MRRF: variants seen among roughly 807,000 people sequenced by gnomAD.
MRRF encodes the protein mitochondrial ribosome recycling factor.
MRRF carries 18 observed loss-of-function variants against 25.1 expected under a neutral mutation model. That is an observed-to-expected ratio of 0.72 (90% CI 0.50 to 1.06). The LOEUF (loss-of-function observed/expected upper bound fraction) is 1.06. MRRF is among the 50% of genes least tolerant of loss of function. The probability of loss-of-function intolerance (pLI) is 0.00; values close to 1 mark genes in which losing one functional copy is unlikely to be tolerated. For synonymous variants in MRRF, 113 were observed against 112.1 expected (o/e 1.01, Z -0.05); for missense variants, 323 against 319.3 (o/e 1.01, Z -0.09).
chr9:122,279,656 C>T (rs1426788807), intron 2 of MRRF, among the ~76,000 whole-genome samples: 1 of 152,162 alleles, frequency 6.6e-6, no homozygotes, highest in Non-Finnish European at 1.5e-5. Context: ...TATGAAAAAT[C>T]ACTACGATGA....
chr9:122,285,826 G>C (rs988411517), intron 4 of MRRF: 13 of 1,282,292 alleles, frequency 1.0e-5, no homozygotes, highest in Non-Finnish European at 1.3e-5. Flanking sequence ...AATGTGGCCT[G>C]AGGGCCACCA....
chr9:122,270,876 A>G lies in MRRF; in HGVS notation c.-16A>G, dbSNP rs751943215. 93 of 1,613,518 alleles carry G rather than the reference A, an allele frequency of 5.8e-5. No homozygotes were observed. Among genetic ancestry groups the G allele is most frequent in the Admixed American group, 3.5e-4 (21 of 60,006 alleles). On this transcript the variant is annotated 5_prime_UTR_variant, in exon 2 of 7. Transcript: ENST00000344641. ...TTATTCTTTTTAGTGGATGTTTCCA[A>G]GGATTGTCTTCAGTCATGGCCTTGG... is the stretch of plus-strand genomic sequence containing the variant.
intron 5 of MRRF, among the ~76,000 whole-genome samples, chr9:122,308,633 A>C (rs1472326786): frequency 1.0e-4 from 14 of 138,202 alleles, no homozygotes; most frequent in African/African-American, 3.8e-4. Context: ...CAGGAGGCGG[A>C]GGTGGCAGTG....
chr9:122,265,587 T>TC, intron 1 of MRRF: 2 of 387,740 alleles, frequency 5.2e-6, no homozygotes, highest in South Asian at 3.9e-5. Flanking sequence ...CTGTTGCATT[T>TC]CCCCCCATTT....
intron 1 of MRRF, among the ~76,000 whole-genome samples, chr9:122,265,154 A>G (rs541362694): frequency 1.4e-3 from 218 of 152,206 alleles, no homozygotes; most frequent in Admixed American, 2.7e-3. Context: ...AATTTAGGGG[A>G]TGCTGGAGGA....
chr9:122,280,294 T>C, intron 2 of MRRF, 149 bp from the exon 3 acceptor site: 1 of 830,188 alleles, frequency 1.2e-6, no homozygotes, highest in Non-Finnish European at 2.0e-6. Flanking sequence ...ACTCAGTTAA[T>C]ATAGGCTCTT....
At chr9:122,312,618 T>G (rs1457823827) in intron 5 of MRRF, among the ~76,000 whole-genome samples, 1 of 152,202 alleles carries the variant, frequency 6.6e-6, no homozygotes, top group Non-Finnish European at 1.5e-5. Context: ...GCTGTCATAC[T>G]AAGACCATTG....
At chr9:122,303,659 T>A (rs1361229753) in intron 5 of MRRF, among the ~76,000 whole-genome samples, 2 of 152,204 alleles carry the variant, frequency 1.3e-5, no homozygotes, top group African/African-American at 4.8e-5. Context: ...CGTATTTTCA[T>A]GGTGATCGCA....
rs537146183 is a variant in MRRF, at chr9:122,317,925, C to T, written c.711+4539C>T. ...GGTCCAGGCAGGTAGTTCACAAAGT[C>T]AGGAGATCGAGACCGTCCTGGCTAA... On this transcript the variant is annotated intron_variant, in intron 6 of 6. Transcript: ENST00000344641. Among the ~76,000 whole-genome samples the T allele has an allele frequency of 2.0e-5, 3 of 152,030 alleles. No homozygotes were observed. In the East Asian group the frequency reaches 5.8e-4, roughly 29 times the overall value.
At chr9:122,296,187 C>T (rs1330093918) in intron 5 of MRRF, among the ~76,000 whole-genome samples, 1 of 151,830 alleles carries the variant, frequency 6.6e-6, no homozygotes, top group African/African-American at 2.4e-5. Context: ...ACCATTGAGT[C>T]TTAGGGGCTC....
rs1475898222 is a variant in MRRF at position 122,322,636 on chromosome 9, A to G, written c.*19A>G. 1 of 1,612,204 alleles carries G rather than the reference A, an allele frequency of 6.2e-7. No individual in the cohort carries two copies. The highest frequency in any genetic ancestry group is 1.1e-5 in the South Asian group (1 of 90,984). ...TGGATGAAAGTCCACTGGGGCCAGC[A>G]ATACTCCAGAGCCCAGTTTCTGCTG... On this transcript the variant is annotated 3_prime_UTR_variant, in exon 7 of 7. Coordinates refer to ENST00000344641, the MANE Select transcript of MRRF (RefSeq NM_138777.5).
intron 2 of MRRF, among the ~76,000 whole-genome samples, chr9:122,276,209 C>T (rs1832760842): frequency 6.6e-6 from 1 of 152,166 alleles, no homozygotes; most frequent in African/African-American, 2.4e-5. Flanking sequence ...TCACCACGCC[C>T]AGCCTGTTTT....
intron 5 of MRRF, among the ~76,000 whole-genome samples, chr9:122,305,564 TC>T (rs1162372354): frequency 6.6e-6 from 1 of 152,170 alleles, no homozygotes; most frequent in Non-Finnish European, 1.5e-5. Flanking sequence ...ATGCATCAGC[TC>T]AGAGCTTGAT....
At chr9:122,311,664 GA>G (rs1331312892) in intron 5 of MRRF, among the ~76,000 whole-genome samples, 1 of 151,922 alleles carries the variant, frequency 6.6e-6, no homozygotes, top group East Asian at 1.9e-4. Flanking sequence ...ACATTGTAGT[GA>G]AAAGAAAAGT....
chr9:122,316,217 C>T (rs1438129059), intron 6 of MRRF, among the ~76,000 whole-genome samples: 1 of 151,626 alleles, frequency 6.6e-6, no homozygotes, highest in Non-Finnish European at 1.5e-5. Context: ...TTTTTGTCAC[C>T]CAGGCTGGAG....
intron 5 of MRRF, among the ~76,000 whole-genome samples, chr9:122,304,708 G>A (rs1269789242): frequency 2.0e-5 from 3 of 152,102 alleles, no homozygotes; most frequent in Admixed American, 1.3e-4. Flanking sequence ...GCTCTTGGAC[G>A]TGTTGGGGAG....
chr9:122,315,153 A>G (rs1357542229), intron 6 of MRRF, among the ~76,000 whole-genome samples: 1 of 152,074 alleles, frequency 6.6e-6, no homozygotes, highest in Non-Finnish European at 1.5e-5. Context: ...AGCTCTGCCT[A>G]GGAATGTATA....
chr9:122,309,257 T>C (rs1273950424), intron 5 of MRRF, among the ~76,000 whole-genome samples: 1 of 152,210 alleles, frequency 6.6e-6, no homozygotes, highest in African/African-American at 2.4e-5. Flanking sequence ...TTTTTAAGGC[T>C]CAATAATATT....
At chr9:122,313,523 C>A in intron 6 of MRRF, 137 bp downstream of exon 6, 1 of 1,029,588 alleles carries the variant, frequency 9.7e-7, no homozygotes, top group Non-Finnish European at 1.5e-6. Flanking sequence ...AGTCTCTGTT[C>A]TGGGCCTAGC....
Sources: allele counts gnomAD v4.1 joint callset (sites outside exome capture counted in the v4.1 genomes callset), GRCh38; gene constraint gnomAD v4.1.1; transcripts MANE v1.5; gene names NCBI Gene and HGNC (gene_info 2026-07-23, HGNC 2026-07-21).